Variants in MAPRE3 observed in about 807,000 individuals in gnomAD.
MAPRE3 encodes microtubule associated protein RP/EB family member 3.
Under a neutral mutation model 30.5 loss-of-function variants are expected in MAPRE3, and 2 were observed. The ratio of observed to expected loss-of-function variants is 0.07; its 90% CI spans 0.03 to 0.21. The LOEUF (loss-of-function observed/expected upper bound fraction) is 0.21, where lower values mean the gene tolerates loss of function less well. Among genes scored for constraint, MAPRE3 ranks in the 10% least tolerant of loss-of-function variants. The pLI, the probability that MAPRE3 is intolerant of heterozygous loss-of-function variation, is 1.00. For synonymous variants in MAPRE3, 110 were observed against 127.7 expected (o/e 0.86, Z 0.93); for missense variants, 204 against 351.8 (o/e 0.58, Z 3.36).
intron 1 of MAPRE3, among the ~76,000 whole-genome samples, chr2:26,975,789 C>A (rs920791419): frequency 1.3e-5 from 2 of 152,164 alleles, no homozygotes; most frequent in Admixed American, 1.3e-4. Context: ...CTTGGAGCCT[C>A]CCATGCCTGG....
intron 1 of MAPRE3, among the ~76,000 whole-genome samples, chr2:27,001,790 T>C (rs1037499462): frequency 3.9e-5 from 6 of 152,232 alleles, no homozygotes; most frequent in Admixed American, 6.5e-5. Flanking sequence ...GTACATGCAG[T>C]CTGTTGTTGA....
intron 1 of MAPRE3, among the ~76,000 whole-genome samples, chr2:27,010,874 C>T (rs181958937): frequency 6.6e-6 from 1 of 152,332 alleles, no homozygotes; most frequent in Admixed American, 6.5e-5. Context: ...CCTGATGTCC[C>T]TCTCCAGCTT....
chr2:26,995,965 T>C (rs1361792838), intron 1 of MAPRE3, among the ~76,000 whole-genome samples: 10 of 151,824 alleles, frequency 6.6e-5, no homozygotes, highest in Admixed American at 6.6e-4. Flanking sequence ...GCTTGGCCCA[T>C]TCATATCTGC....
Position 27,022,351 on chromosome 2 carries a change from G to A in MAPRE3, c.121+12G>A. The A allele has an allele frequency of 6.2e-7, 1 of 1,612,304 alleles. No homozygotes were observed. ...ACAGCTTTGTTCAGGTAGGAGGCTG[G>A]GAATATGGGAAGTGGCCCTGCTGGA... On this transcript the variant is annotated intron_variant, in intron 2 of 6. Transcript: ENST00000233121.
chr2:26,983,062 G>A (rs1666146132), intron 1 of MAPRE3, among the ~76,000 whole-genome samples: 1 of 152,136 alleles, frequency 6.6e-6, no homozygotes, highest in Non-Finnish European at 1.5e-5. Flanking sequence ...GACATGAGAG[G>A]AAGATCCCAC....
chr2:27,009,631 A>C (rs971389160), intron 1 of MAPRE3: 1 of 152,248 alleles, frequency 6.6e-6, no homozygotes, highest in South Asian at 2.1e-4. Flanking sequence ...ATAACTCCTT[A>C]ACAATGGCAT....
intron 1 of MAPRE3, among the ~76,000 whole-genome samples, chr2:27,021,132 A>T (rs1667102805): frequency 6.6e-6 from 1 of 152,164 alleles, no homozygotes; most frequent in African/African-American, 2.4e-5. Context: ...ATACAGGAGG[A>T]TGTGTGTAGG....
In MAPRE3 at chr2:26,994,186, A is replaced by G. The variant is rs535832944; in HGVS notation, c.-8+23384A>G. Among the ~76,000 whole-genome samples the G allele has an allele frequency of 7.9e-5, 12 of 152,352 alleles. No homozygotes were observed. In the East Asian group the frequency reaches 2.1e-3, roughly 27 times the overall value. On this transcript the variant is annotated intron_variant, in intron 1 of 6. Transcript: ENST00000233121. The stretch of plus-strand genomic sequence containing the variant: ...ATTTTGATCTGATAACTTAATTATC[A>G]GCTTTTCTTGAGGTCACCAAGCCCT...
At chr2:27,000,904 A>C (rs1666581600) in intron 1 of MAPRE3, among the ~76,000 whole-genome samples, 1 of 152,256 alleles carries the variant, frequency 6.6e-6, no homozygotes, top group Non-Finnish European at 1.5e-5. Context: ...CACAAGATTT[A>C]TCCAATTATT....
intron 4 of MAPRE3, 111 bp downstream of exon 4, chr2:27,024,408 G>A: frequency 1.0e-6 from 1 of 1,004,456 alleles, no homozygotes. Context: ...GAGGAGACTT[G>A]TTATCACGGA....
chr2:27,003,811 AC>A (rs1396100793), intron 1 of MAPRE3, among the ~76,000 whole-genome samples: 1 of 152,162 alleles, frequency 6.6e-6, no homozygotes, highest in Non-Finnish European at 1.5e-5. Context: ...TTTCATTGTT[AC>A]CGGCCCCATG....
chr2:26,977,962 C>G (rs1666044782), intron 1 of MAPRE3, among the ~76,000 whole-genome samples: 1 of 152,224 alleles, frequency 6.6e-6, no homozygotes. Context: ...TCACATAGCT[C>G]GAACTGTGCT....
At chr2:27,023,124 T>A (rs1667146003) in intron 2 of MAPRE3, among the ~76,000 whole-genome samples, 1 of 152,246 alleles carries the variant, frequency 6.6e-6, no homozygotes, top group South Asian at 2.1e-4. Flanking sequence ...TTTGGTGTGG[T>A]GCTGGTTCAT....
intron 1 of MAPRE3, chr2:27,001,901 CAA>C (rs1666608939): frequency 6.6e-6 from 1 of 152,176 alleles, no homozygotes; most frequent in Non-Finnish European, 1.5e-5. Flanking sequence ...TGTTTTGAAA[CAA>C]GTAACAGCAA....
intron 2 of MAPRE3, 95 bp downstream of exon 2, chr2:27,022,434 G>GT: frequency 6.9e-7 from 1 of 1,456,022 alleles, no homozygotes; most frequent in East Asian, 2.3e-5. Context: ...ATACAGTCAT[G>GT]CATGGCTGAA....
chr2:27,006,970 C>T (rs1011306321), intron 1 of MAPRE3, among the ~76,000 whole-genome samples: 2 of 152,200 alleles, frequency 1.3e-5, no homozygotes, highest in Admixed American at 1.3e-4. Context: ...ACAGATTCCT[C>T]TGGTGCTGTG....
In MAPRE3 at chr2:26,986,412, A is replaced by G. The variant is rs1666220929; in HGVS notation, c.-8+15610A>G. Reference sequence around the variant, plus strand: ...ACCATAGTCTGTAAGCCTAAATGGTATGGGTATGTTCAAATTAGATGCTAC... The same window carrying G: ...ACCATAGTCTGTAAGCCTAAATGGTGTGGGTATGTTCAAATTAGATGCTAC... On this transcript the variant is annotated intron_variant, in intron 1 of 6. Coordinates refer to ENST00000233121, the MANE Select transcript of MAPRE3 (RefSeq NM_012326.4). The surrounding 1 kb of genome is among the most constrained non-coding windows in gnomAD (Gnocchi z 4.2). 2.0e-5 allele frequency: 3 copies of G among 152,202 alleles called. No individual in the cohort carries two copies. In the South Asian group the frequency reaches 6.2e-4, roughly 32 times the overall value. 9.4% of individuals were successfully genotyped at this position (152,202 alleles called of 1,614,324 possible).
rs908475224 is a variant in MAPRE3, at chr2:27,022,093, C to T, written c.-7-119C>T. On this transcript the variant is annotated intron_variant, in intron 1 of 6. Transcript: ENST00000233121. ...AGACCCTCCCTCTGGGGATAAACTG[C>T]GAGGCCAATCTGGAGGGAATGTTTC... The T allele has an allele frequency of 1.8e-5, 22 of 1,198,596 alleles. No homozygotes were observed. In the African/African-American group the frequency reaches 2.0e-4, roughly 11 times the overall value. 74.2% of individuals were successfully genotyped at this position (1,198,596 alleles called of 1,614,324 possible).
rs1190361825 is a variant in MAPRE3, at chr2:27,026,447, C to T, written c.*99C>T. Reference sequence around the variant, plus strand: ...CTTTCCTAACACGGTCGGCCGGGTGCTTTGTGTCAGTGCTGCAGCACTGGG... The same window carrying T: ...CTTTCCTAACACGGTCGGCCGGGTGTTTTGTGTCAGTGCTGCAGCACTGGG... On this transcript the variant is annotated 3_prime_UTR_variant, in exon 7 of 7. Transcript: ENST00000233121. The T allele has an allele frequency of 1.0e-5, 11 of 1,095,720 alleles. No individual in the cohort carries two copies. The Admixed American group carries it at 2.2e-4, about 22-fold the overall frequency. The allele number at this position is 1,095,720 out of a possible 1,614,324, so 67.9% of individuals were successfully genotyped here.
Sources: gnomAD v4.1 joint callset for allele counts (sites outside exome capture counted in the v4.1 genomes callset) on GRCh38, gnomAD v4.1.1 for gene constraint, Gnocchi (gnomAD v3.1) non-coding constraint, MANE v1.5 for transcripts, NCBI Gene and HGNC (gene_info 2026-07-23, HGNC 2026-07-21) for gene names.